PTGFR: variants seen among roughly 807,000 people sequenced by gnomAD.
The protein encoded by PTGFR is prostaglandin F receptor.
A neutral mutation model predicts 26.2 loss-of-function variants in PTGFR; 15 were observed. The observed-to-expected ratio is 0.57, with a 90% confidence interval of 0.38 to 0.88. The LOEUF is 0.88. Ranked by LOEUF, PTGFR falls within the 40% of genes least tolerant of loss-of-function variation. PTGFR has a pLI of 0.00. For missense variants in PTGFR, 369 were observed against 427.2 expected, an observed-to-expected ratio of 0.86 and a Z score of 1.20; for synonymous variants, 165 against 151.1, an observed-to-expected ratio of 1.09 and a Z score of -0.68.
chr1:78,502,577 G>A (rs1649735676), intron 2 of PTGFR, among the ~76,000 whole-genome samples: 1 of 152,106 alleles, frequency 6.6e-6, no homozygotes, highest in African/African-American at 2.4e-5. Flanking sequence ...TATTCTCATT[G>A]TTGTTGCTGT....
intron 2 of PTGFR, among the ~76,000 whole-genome samples, chr1:78,500,007 C>G (rs1038706127): frequency 2.6e-5 from 4 of 151,844 alleles, no homozygotes; most frequent in Non-Finnish European, 5.9e-5. Flanking sequence ...TTAATTTATC[C>G]CCAGTCTTTA....
At chr1:78,526,953 T>A (rs1650388568) in intron 2 of PTGFR, among the ~76,000 whole-genome samples, 1 of 152,106 alleles carries the variant, frequency 6.6e-6, no homozygotes, top group Non-Finnish European at 1.5e-5. Context: ...GTAGCTTTGT[T>A]AAGGATAGAT....
intron 2 of PTGFR, among the ~76,000 whole-genome samples, chr1:78,520,394 G>C (rs1650195110): frequency 6.6e-6 from 1 of 152,024 alleles, no homozygotes; most frequent in East Asian, 1.9e-4. Context: ...CAGAGAACGG[G>C]TTTGGCTTTG....
intron 2 of PTGFR, among the ~76,000 whole-genome samples, chr1:78,518,817 G>A (rs1306764667): frequency 6.6e-6 from 1 of 151,976 alleles, no homozygotes; most frequent in Non-Finnish European, 1.5e-5. Flanking sequence ...ATTTTGCAGA[G>A]CTTTTCCATA....
At chr1:78,497,677 T>C (rs1456916257) in intron 2 of PTGFR, among the ~76,000 whole-genome samples, 1 of 152,170 alleles carries the variant, frequency 6.6e-6, no homozygotes, top group Non-Finnish European at 1.5e-5. Flanking sequence ...GTAACTTAAG[T>C]AGTATGAATG....
At chr1:78,525,194 G>A (rs1650342764) in intron 2 of PTGFR, among the ~76,000 whole-genome samples, 1 of 151,746 alleles carries the variant, frequency 6.6e-6, no homozygotes, top group Admixed American at 6.6e-5. Flanking sequence ...CTAACTACAT[G>A]GAGTTAGTTC....
rs2100410188 is a variant in PTGFR, at chr1:78,538,668, G to C, written c.*1981G>C. On this transcript the variant is annotated 3_prime_UTR_variant, in exon 3 of 3. Coordinates refer to ENST00000370757, the MANE Select transcript of PTGFR (RefSeq NM_000959.4). The stretch of plus-strand genomic sequence containing the variant: ...TCTGTTATTATATGTGTTGCATGTA[G>C]CTTGGCGATTTACTGTGTAATGAAT... The C allele has an allele frequency of 6.6e-6, 1 of 152,150 alleles. No homozygotes were observed. The highest frequency in any genetic ancestry group is 2.4e-5 in the African/African-American group (1 of 41,536). 9.4% of individuals were successfully genotyped at this position (152,150 alleles called of 1,614,324 possible). A position where few individuals can be genotyped will look rare whatever the true frequency, so the allele number is the denominator to read the frequency against.
chr1:78,495,594 G>A (rs1010244143), intron 2 of PTGFR, among the ~76,000 whole-genome samples: 2 of 152,198 alleles, frequency 1.3e-5, no homozygotes, highest in Non-Finnish European at 1.5e-5. Context: ...CAATAAATGA[G>A]AGACATAATC....
intron 2 of PTGFR, among the ~76,000 whole-genome samples, chr1:78,515,177 G>A (rs1218613413): frequency 6.6e-6 from 1 of 151,928 alleles, no homozygotes; most frequent in African/African-American, 2.4e-5. Flanking sequence ...TCATTTTTCT[G>A]TCAATTAAAG....
intron 2 of PTGFR, among the ~76,000 whole-genome samples, chr1:78,515,487 G>A (rs532774490): frequency 3.1e-4 from 47 of 152,276 alleles, no homozygotes; most frequent in African/African-American, 1.0e-3. Context: ...ATGGCTTCAC[G>A]TGAAGTGTAG....
chr1:78,512,010 T>A (rs940124661), intron 2 of PTGFR, among the ~76,000 whole-genome samples: 5 of 152,334 alleles, frequency 3.3e-5, no homozygotes, highest in African/African-American at 7.2e-5. Context: ...TGGGTGACCT[T>A]CACTCCAATT....
In PTGFR at chr1:78,499,865, T is replaced by C. The variant is rs992400470; in HGVS notation, c.798+6324T>C. Among the ~76,000 whole-genome samples, 3 of 152,216 alleles carry C rather than the reference T, an allele frequency of 2.0e-5. No homozygotes were observed. The South Asian group carries it at 6.2e-4, about 31-fold the overall frequency. On this transcript the variant is annotated intron_variant, in intron 2 of 2. Coordinates refer to ENST00000370757, the MANE Select transcript of PTGFR (RefSeq NM_000959.4). ...GGTGCTTGGTGGCTTTACTCTACAT[T>C]ATTAGTTTATGTTTTAATTTCAAAT...
intron 2 of PTGFR, among the ~76,000 whole-genome samples, chr1:78,517,024 G>A (rs1650103656): frequency 6.6e-6 from 1 of 152,150 alleles, no homozygotes. Context: ...GAACACTACT[G>A]TTTGCAATCC....
intron 2 of PTGFR, among the ~76,000 whole-genome samples, chr1:78,524,002 C>A (rs1019381765): frequency 1.3e-5 from 2 of 152,076 alleles, no homozygotes; most frequent in African/African-American, 4.8e-5. Flanking sequence ...ATTTCAGTAA[C>A]TCCTTTGGAA....
chr1:78,522,889 A>AT (rs1457619636), intron 2 of PTGFR, among the ~76,000 whole-genome samples: 1 of 152,110 alleles, frequency 6.6e-6, no homozygotes, highest in African/African-American at 2.4e-5. Flanking sequence ...TGAAATGGGA[A>AT]TATTAGTGGT....
chr1:78,513,261 C>T (rs1415529445), intron 2 of PTGFR, among the ~76,000 whole-genome samples: 1 of 152,086 alleles, frequency 6.6e-6, no homozygotes. Flanking sequence ...AGACTGATTA[C>T]ATGGTTGTGA....
Position 78,536,697 on chromosome 1 carries a change from A to G in PTGFR, c.*10A>G, listed in dbSNP as rs1010162070. ...ATCAGCAAGCACCTAGCTTAATAGGACAGTAAATCTGTGTGGGGCTAGAAC... is the reference window on the plus strand; with the variant it reads ...ATCAGCAAGCACCTAGCTTAATAGGGCAGTAAATCTGTGTGGGGCTAGAAC... On this transcript the variant is annotated 3_prime_UTR_variant, in exon 3 of 3. Coordinates refer to ENST00000370757, the MANE Select transcript of PTGFR (RefSeq NM_000959.4). The G allele has an allele frequency of 1.2e-6, 2 of 1,606,000 alleles. No homozygotes were observed. Among genetic ancestry groups the G allele is most frequent in the Non-Finnish European group, 1.7e-6 (2 of 1,176,492 alleles).
chr1:78,496,870 A>G lies in PTGFR; in HGVS notation c.798+3329A>G, dbSNP rs1021139829. On this transcript the variant is annotated intron_variant, in intron 2 of 2. Transcript: ENST00000370757. ...AATGAATAGAAAGTAGAGAGAATTT[A>G]CAAATACTCCCTCCCCCTCCCCCAC... Among the ~76,000 whole-genome samples, 5 of 151,948 alleles carry G rather than the reference A, an allele frequency of 3.3e-5. No individual in the cohort carries two copies. The South Asian group carries it at 1.0e-3, about 32-fold the overall frequency.
At position 78,536,920 on chromosome 1, in the gene PTGFR, A is replaced by G. The variant is rs1181583244; in HGVS notation, c.*233A>G. On this transcript the variant is annotated 3_prime_UTR_variant, in exon 3 of 3. Transcript: ENST00000370757. The stretch of plus-strand genomic sequence containing the variant: ...AGACACAATAAAATAATGCCATGGG[A>G]GTCACACTGAAAGCAATTTTGAGCT... 8.2e-6 allele frequency: 4 copies of G among 489,028 alleles called. No homozygotes were observed. 30.3% of individuals were successfully genotyped at this position (489,028 alleles called of 1,614,324 possible).
Sources: gnomAD v4.1 joint callset for allele counts (sites outside exome capture counted in the v4.1 genomes callset) on GRCh38, gnomAD v4.1.1 for gene constraint, MANE v1.5 for transcripts, NCBI Gene and HGNC (gene_info 2026-07-23, HGNC 2026-07-21) for gene names.